Variants in RABEPK observed in about 807,000 individuals in gnomAD.
RABEPK encodes the protein Rab9 effector protein with kelch motifs, also known as 40 kDa Rab9 effector protein.
RABEPK carries 27 observed loss-of-function variants against 34.1 expected under a neutral mutation model. The ratio of observed to expected loss-of-function variants is 0.79; its 90% CI spans 0.58 to 1.09. RABEPK has a LOEUF of 1.09. Among genes scored for constraint, RABEPK ranks in the 50% least tolerant of loss-of-function variants. The pLI, the probability that RABEPK is intolerant of heterozygous loss-of-function variation, is 0.00. For synonymous variants in RABEPK, 172 were observed against 169.2 expected, an observed-to-expected ratio of 1.02 and a Z score of -0.13; for missense variants, 449 against 462.6, an observed-to-expected ratio of 0.97 and a Z score of 0.27.
intron 4 of RABEPK, among the ~76,000 whole-genome samples, chr9:125,214,327 T>C (rs1257194667): frequency 1.2e-4 from 18 of 152,012 alleles, no homozygotes; most frequent in Admixed American, 1.1e-3. Flanking sequence ...TTCTAGGGGG[T>C]AGAGGCCAGA....
At chr9:125,205,561 C>T (rs533976623) in intron 2 of RABEPK, among the ~76,000 whole-genome samples, 5 of 152,286 alleles carry the variant, frequency 3.3e-5, no homozygotes, top group East Asian at 1.9e-4. Flanking sequence ...GGCACAATCT[C>T]GGCTCACTGC....
At chr9:125,217,687 G>A (rs1831022243) in intron 4 of RABEPK, among the ~76,000 whole-genome samples, 1 of 152,124 alleles carries the variant, frequency 6.6e-6, no homozygotes, top group Non-Finnish European at 1.5e-5. Context: ...ACCAAGGCAA[G>A]TCCCTCAAAT....
Position 125,220,574 on chromosome 9 carries a change from C to A in RABEPK, c.400C>A (p.Pro134Thr), listed in dbSNP as rs1022701559. Residue 134 changes from proline (P) to threonine (T), a missense_variant, in exon 5 of 8, where the codon CCC (proline) becomes ACC (threonine). Transcript: ENST00000373538. ...RTWTTPEVTS[P>T]PPSPRTFHTS... ...GTGGACCACGCCAGAAGTGACCAGC[C>A]CCCCACCATCCCCAAGAACATTCCA... 2.5e-5 allele frequency: 41 copies of A among 1,612,882 alleles called. No individual in the cohort carries two copies. The highest frequency in any genetic ancestry group is 3.5e-5 in the Non-Finnish European group (41 of 1,179,138).
intron 3 of RABEPK, among the ~76,000 whole-genome samples, chr9:125,212,297 G>A (rs1376089445): frequency 6.6e-6 from 1 of 152,148 alleles, no homozygotes; most frequent in African/African-American, 2.4e-5. Context: ...TCAGCTCACT[G>A]CAAGCTCCAC....
intron 2 of RABEPK, among the ~76,000 whole-genome samples, chr9:125,203,485 G>T (rs1015797043): frequency 1.3e-5 from 2 of 152,184 alleles, no homozygotes; most frequent in African/African-American, 4.8e-5. Context: ...GTGGGTGCTG[G>T]AGGTAGAATT....
intron 5 of RABEPK, among the ~76,000 whole-genome samples, chr9:125,223,396 C>A (rs1588391033): frequency 1.3e-5 from 2 of 152,032 alleles, no homozygotes; most frequent in East Asian, 3.9e-4. Context: ...GTGGAGGTAG[C>A]AGTGAGCTAA....
chr9:125,228,137 CTG>C, intron 6 of RABEPK, 78 bp downstream of exon 6: 1 of 1,229,276 alleles, frequency 8.1e-7, no homozygotes, highest in Non-Finnish European at 1.1e-6. Flanking sequence ...GGATCTCTGT[CTG>C]TCACTCAGGC....
At chr9:125,232,249 GAC>G (rs1554733102) in intron 6 of RABEPK, among the ~76,000 whole-genome samples, 1 of 50,448 alleles carries the variant, frequency 2.0e-5, no homozygotes. Flanking sequence ...CACACACAGA[GAC>G]AGAGAGAGAG....
At chr9:125,233,199 G>A (rs1832332026) in intron 7 of RABEPK, among the ~76,000 whole-genome samples, 1 of 151,996 alleles carries the variant, frequency 6.6e-6, no homozygotes, top group Admixed American at 6.6e-5. Flanking sequence ...CAGCAATGCT[G>A]CCATAAGGTT....
chr9:125,210,512 G>A (rs997630229), intron 3 of RABEPK, among the ~76,000 whole-genome samples: 1 of 151,306 alleles, frequency 6.6e-6, no homozygotes, highest in African/African-American at 2.4e-5. Context: ...AAGGTCAGGA[G>A]ATCGAGACCA....
At chr9:125,204,571 A>G (rs1830100575) in intron 2 of RABEPK, among the ~76,000 whole-genome samples, 1 of 152,264 alleles carries the variant, frequency 6.6e-6, no homozygotes, top group Non-Finnish European at 1.5e-5. Flanking sequence ...CAACAGAGGG[A>G]GACTCCGTCT....
At chr9:125,202,502 A>G (rs1829974319) in intron 1 of RABEPK, among the ~76,000 whole-genome samples, 1 of 150,952 alleles carries the variant, frequency 6.6e-6, no homozygotes. Context: ...AACCTGTGCA[A>G]CAGAGTGAGA....
intron 5 of RABEPK, among the ~76,000 whole-genome samples, chr9:125,223,453 C>T (rs1831503187): frequency 6.6e-6 from 1 of 151,888 alleles, no homozygotes; most frequent in Admixed American, 6.6e-5. Context: ...AAGGCTCTGT[C>T]TCAAAAAAAT....
At chr9:125,205,682 G>A (rs892375678) in intron 2 of RABEPK, among the ~76,000 whole-genome samples, 6 of 152,076 alleles carry the variant, frequency 3.9e-5, no homozygotes, top group African/African-American at 1.4e-4. Context: ...TAGAGACGGG[G>A]TTTCATCATG....
At chr9:125,212,864 T>C (rs2131385026) in intron 3 of RABEPK, among the ~76,000 whole-genome samples, 1 of 151,916 alleles carries the variant, frequency 6.6e-6, no homozygotes, top group African/African-American at 2.4e-5. Flanking sequence ...GAGATGAGGT[T>C]TCACCATGTT....
At chr9:125,204,914 A>G (rs922210359) in intron 2 of RABEPK, among the ~76,000 whole-genome samples, 2 of 151,762 alleles carry the variant, frequency 1.3e-5, no homozygotes, top group African/African-American at 2.4e-5. Flanking sequence ...TATAGCCTCG[A>G]CCTCCTGGCC....
At chr9:125,219,363 C>CTAATTTTTTT (rs1355608864) in intron 4 of RABEPK, among the ~76,000 whole-genome samples, 1 of 149,792 alleles carries the variant, frequency 6.7e-6, no homozygotes, top group Non-Finnish European at 1.5e-5. Flanking sequence ...TGTGCTCAGC[C>CTAATTTTTTT]TAATTTTTTT....
intron 5 of RABEPK, among the ~76,000 whole-genome samples, chr9:125,224,509 A>G (rs1831594919): frequency 6.7e-6 from 1 of 148,276 alleles, no homozygotes; most frequent in Non-Finnish European, 1.5e-5. Flanking sequence ...CTGGAGTGCA[A>G]TGACACAATC....
chr9:125,202,075 G>A (rs1010918171), intron 1 of RABEPK, among the ~76,000 whole-genome samples: 1 of 151,902 alleles, frequency 6.6e-6, no homozygotes, highest in African/African-American at 2.4e-5. Context: ...TTAGCCAGGT[G>A]TGGTGGCACT....
Sources: gnomAD v4.1 joint callset for allele counts (sites outside exome capture counted in the v4.1 genomes callset) on GRCh38, gnomAD v4.1.1 for gene constraint, MANE v1.5 for transcripts, NCBI Gene and HGNC (gene_info 2026-07-23, HGNC 2026-07-21) for gene names.